The following KIAA1549L variants were observed in gnomAD, a reference collection of about 807,000 sequenced individuals.
KIAA1549L encodes KIAA1549 like.
KIAA1549L carries 88 observed loss-of-function variants against 160.7 expected under a neutral mutation model. That is an observed-to-expected ratio of 0.55 (90% CI 0.46 to 0.65). The LOEUF (loss-of-function observed/expected upper bound fraction) is 0.65. Ranked by LOEUF, KIAA1549L falls within the 30% of genes least tolerant of loss-of-function variation. The pLI is 0.00. For missense variants in KIAA1549L, 2,258 were observed against 2,437.5 expected (o/e 0.93, Z 1.55); for synonymous variants, 950 against 976.7 (o/e 0.97, Z 0.51).
At position 33,423,206 on chromosome 11, in the gene KIAA1549L, G is replaced by A. The variant is rs139335383; in HGVS notation, c.238+46317G>A. 7.9e-4 allele frequency among the ~76,000 whole-genome samples: 121 copies of A among 152,214 alleles called. 1 individual carries two copies. The Middle Eastern group carries it at 0.01, about 13-fold the overall frequency. On this transcript the variant is annotated intron_variant, in intron 1 of 20. Transcript: ENST00000658780. ...AACTTGTTGTAACATGTTTCAATAG[G>A]ATCTAGTTTGAGACACTAAAAGGGT...
intron 1 of KIAA1549L, among the ~76,000 whole-genome samples, chr11:33,427,816 A>C (rs933417228): frequency 6.6e-6 from 1 of 152,198 alleles, no homozygotes; most frequent in Non-Finnish European, 1.5e-5. Context: ...GGCAACCACA[A>C]ATTGGCATTC....
In KIAA1549L at chr11:33,552,244, A is replaced by G; in HGVS notation, c.3855+3A>G. 6.3e-7 allele frequency: 1 copy of G among 1,597,502 alleles called. No homozygotes were observed. The highest frequency in any genetic ancestry group is 8.5e-7 in the Non-Finnish European group (1 of 1,171,590). On this transcript the variant is annotated splice_donor_region_variant and intron_variant, in intron 6 of 20. Transcript: ENST00000658780. ...CCAAAAGCAACTTGACAATTCAGGTAGGGAGGAAGGTGCTTCAGGCTGTGT... is the reference window on the plus strand; with the variant it reads ...CCAAAAGCAACTTGACAATTCAGGTGGGGAGGAAGGTGCTTCAGGCTGTGT...
At chr11:33,520,045 A>G (rs1853442560) in intron 1 of KIAA1549L, among the ~76,000 whole-genome samples, 1 of 151,904 alleles carries the variant, frequency 6.6e-6, no homozygotes, top group Non-Finnish European at 1.5e-5. Context: ...TAGGTATACC[A>G]TGAAACCATC....
At chr11:33,481,574 GTTCCTT>G (rs1164971420) in intron 1 of KIAA1549L, among the ~76,000 whole-genome samples, 1 of 152,042 alleles carries the variant, frequency 6.6e-6, no homozygotes, top group African/African-American at 2.4e-5. Flanking sequence ...CATTTATTAC[GTTCCTT>G]TAATAGCTTG....
intron 17 of KIAA1549L, among the ~76,000 whole-genome samples, chr11:33,646,696 T>C (rs1480606049): frequency 2.6e-5 from 4 of 152,240 alleles, no homozygotes; most frequent in Non-Finnish European, 5.9e-5. Flanking sequence ...CGAGGACATC[T>C]GTCCAGCAAC....
At chr11:33,578,259 A>AG in intron 10 of KIAA1549L, among the ~76,000 whole-genome samples, 1 of 152,216 alleles carries the variant, frequency 6.6e-6, no homozygotes, top group South Asian at 2.1e-4. Context: ...AGAGTCTGGG[A>AG]GGTGAGGGAT....
At chr11:33,424,377 T>C (rs1422797634) in intron 1 of KIAA1549L, among the ~76,000 whole-genome samples, 1 of 152,188 alleles carries the variant, frequency 6.6e-6, no homozygotes, top group Non-Finnish European at 1.5e-5. Flanking sequence ...CAAAGGCAGC[T>C]TTGCAAGAGT....
intron 1 of KIAA1549L, among the ~76,000 whole-genome samples, chr11:33,517,290 A>C (rs1045700509): frequency 6.6e-6 from 1 of 152,214 alleles, no homozygotes; most frequent in African/African-American, 2.4e-5. Context: ...TGGAGTAGTT[A>C]ACAATGGCAG....
chr11:33,545,457 G>A (rs903734195), intron 3 of KIAA1549L, 79 bp downstream of exon 3: 19 of 1,452,844 alleles, frequency 1.3e-5, no homozygotes, highest in Non-Finnish European at 1.7e-5. Context: ...TTAGATCAGT[G>A]GTCCTCAACC....
At chr11:33,476,051 A>T (rs921319400) in intron 1 of KIAA1549L, among the ~76,000 whole-genome samples, 17 of 152,158 alleles carry the variant, frequency 1.1e-4, no homozygotes, top group Admixed American at 1.1e-3. Flanking sequence ...TAAAACCTGG[A>T]AACTCCACAC....
At chr11:33,464,288 A>G (rs1470160852) in intron 1 of KIAA1549L, among the ~76,000 whole-genome samples, 1 of 152,174 alleles carries the variant, frequency 6.6e-6, no homozygotes, top group African/African-American at 2.4e-5. Context: ...CAGGGACTCA[A>G]TCATTCATTC....
chr11:33,542,633 C>T lies in KIAA1549L; in HGVS notation c.1070C>T (p.Pro357Leu). Residue 357 changes from proline to leucine, a missense_variant, in exon 2 of 21, where the codon CCT becomes CTT. Transcript: ENST00000658780. ...GCAGAACTGTCCCATCCGTCTCCCC[C>T]TCCCCCAGCACTTGGAAGTCTTCTT... Reference protein sequence around the residue: ...PMAELSHPSPPPPALGSLLQL... With the variant: ...PMAELSHPSPLPPALGSLLQL... 1.2e-6 allele frequency: 2 copies of T among 1,613,904 alleles called. No individual in the cohort carries two copies. Among genetic ancestry groups the T allele is most frequent in the East Asian group, 2.2e-5 (1 of 44,884 alleles).
rs1850399725 is a variant in KIAA1549L, at chr11:33,397,349, AT to A, written c.238+20462del. Among the ~76,000 whole-genome samples the A allele has an allele frequency of 4.8e-5, 7 of 147,290 alleles. No individual in the cohort carries two copies. In the South Asian group the frequency reaches 1.5e-3, roughly 32 times the overall value. On this transcript the variant is annotated intron_variant, in intron 1 of 20. Coordinates refer to ENST00000658780, the MANE Select transcript of KIAA1549L (RefSeq NM_012194.3). ...ACTCTGTGTCAAAAAAAAAAAAAAA[AT>A]TCAAAAATGAATTAATGTTTAAGCT... is the stretch of plus-strand genomic sequence containing the variant.
At chr11:33,456,917 A>C (rs1851836075) in intron 1 of KIAA1549L, among the ~76,000 whole-genome samples, 1 of 152,234 alleles carries the variant, frequency 6.6e-6, no homozygotes, top group Non-Finnish European at 1.5e-5. Context: ...AGAGATGCAC[A>C]GTAGATTTCA....
chr11:33,390,726 A>G (rs117618781), intron 1 of KIAA1549L, among the ~76,000 whole-genome samples: 8 of 152,346 alleles, frequency 5.3e-5, no homozygotes, highest in South Asian at 2.1e-4. Flanking sequence ...TCGTAGCAGT[A>G]AAAGACAACT....
At chr11:33,652,857 C>T (rs957225026) in intron 17 of KIAA1549L, among the ~76,000 whole-genome samples, 2 of 152,142 alleles carry the variant, frequency 1.3e-5, no homozygotes, top group African/African-American at 4.8e-5. Context: ...CCAAATTCAC[C>T]AGGGCACCTC....
intron 13 of KIAA1549L, among the ~76,000 whole-genome samples, chr11:33,600,451 T>TGG (rs1188667660): frequency 6.6e-6 from 1 of 152,100 alleles, no homozygotes; most frequent in Admixed American, 6.6e-5. Context: ...TGAAGCCATA[T>TGG]GGGGAAGGTT....
intron 1 of KIAA1549L, among the ~76,000 whole-genome samples, chr11:33,379,484 G>A (rs1486243571): frequency 6.6e-6 from 1 of 152,154 alleles, no homozygotes; most frequent in East Asian, 1.9e-4. Context: ...AAGTTTCTTT[G>A]TAGTACTGAG....
At chr11:33,457,876 T>TA (rs1246888166) in intron 1 of KIAA1549L, among the ~76,000 whole-genome samples, 1 of 152,160 alleles carries the variant, frequency 6.6e-6, no homozygotes, top group East Asian at 1.9e-4. Context: ...GGACAGGAGA[T>TA]ACGCAGGACC....
Sources: allele counts gnomAD v4.1 joint callset (sites outside exome capture counted in the v4.1 genomes callset), GRCh38; gene constraint gnomAD v4.1.1; transcripts MANE v1.5; gene names NCBI Gene and HGNC (gene_info 2026-07-23, HGNC 2026-07-21).